The following NEK6 variants were observed in gnomAD, a reference collection of about 807,000 sequenced individuals.
The protein encoded by NEK6 is serine/threonine-protein kinase Nek6.
A neutral mutation model predicts 43.5 loss-of-function variants in NEK6; 27 were observed. The ratio of observed to expected loss-of-function variants is 0.62; its 90% confidence interval spans 0.46 to 0.86. NEK6 has a LOEUF of 0.86. NEK6 is among the 40% of genes least tolerant of loss of function. The pLI is 0.00. For synonymous variants in NEK6, 167 were observed against 164.1 expected (o/e 1.02, Z -0.14); for missense variants, 318 against 414.4 (o/e 0.77, Z 2.02).
chr9:124,333,369 C>G (rs1206054069), intron 7 of NEK6, among the ~76,000 whole-genome samples: 1 of 152,110 alleles, frequency 6.6e-6, no homozygotes, highest in South Asian at 2.1e-4. Context: ...ACCCTGCCCC[C>G]CAGTGAGACA....
At chr9:124,297,769 G>C (rs1157161974) in intron 1 of NEK6, among the ~76,000 whole-genome samples, 1 of 152,202 alleles carries the variant, frequency 6.6e-6, no homozygotes, top group Non-Finnish European at 1.5e-5. Flanking sequence ...TCCCGGGGAC[G>C]GGCAGTCCTC....
intron 1 of NEK6, chr9:124,293,049 C>A (rs746847077): frequency 3.4e-6 from 5 of 1,460,104 alleles, no homozygotes; most frequent in Non-Finnish European, 4.6e-6. Flanking sequence ...AGGCAGGGGT[C>A]TCTGGGATGG....
chr9:124,301,197 A>G (rs1207020086), intron 1 of NEK6, among the ~76,000 whole-genome samples: 1 of 152,168 alleles, frequency 6.6e-6, no homozygotes, highest in Non-Finnish European at 1.5e-5. Flanking sequence ...GGGAGGCCAG[A>G]GGCTAAAATA....
chr9:124,265,763 T>G (rs573568811), intron 1 of NEK6: 1 of 152,284 alleles, frequency 6.6e-6, no homozygotes, highest in African/African-American at 2.4e-5. Context: ...CATTGTCCTA[T>G]GGGCTAAGTG....
intron 1 of NEK6, among the ~76,000 whole-genome samples, chr9:124,295,288 G>C (rs10986306): frequency 3.0e-4 from 46 of 152,356 alleles, no homozygotes; most frequent in Non-Finnish European, 5.7e-4. Context: ...CACAGGACCC[G>C]GCCGGAAACC....
At chr9:124,268,374 G>A (rs940571353) in intron 1 of NEK6, among the ~76,000 whole-genome samples, 8 of 152,158 alleles carry the variant, frequency 5.3e-5, no homozygotes, top group Admixed American at 2.6e-4. Flanking sequence ...TGGGTACTGG[G>A]GGTGGAATGA....
At chr9:124,313,161 C>T (rs973903607) in intron 3 of NEK6, among the ~76,000 whole-genome samples, 2 of 152,156 alleles carry the variant, frequency 1.3e-5, no homozygotes, top group Non-Finnish European at 2.9e-5. Flanking sequence ...CACAGCTTTG[C>T]CGGAGGAAAT....
chr9:124,319,329 G>A (rs1039774438), intron 4 of NEK6, among the ~76,000 whole-genome samples: 1 of 151,692 alleles, frequency 6.6e-6, no homozygotes, highest in Non-Finnish European at 1.5e-5. Flanking sequence ...ATTGATTTAA[G>A]TTCCTTATAG....
chr9:124,321,617 G>A (rs1246435528), intron 5 of NEK6, 48 bp downstream of exon 5: 4 of 1,198,108 alleles, frequency 3.3e-6, no homozygotes, highest in Non-Finnish European at 5.0e-6. Context: ...CAGATCTGGA[G>A]CCAAAGGTGG....
intron 1 of NEK6, among the ~76,000 whole-genome samples, chr9:124,274,923 A>C (rs1304984027): frequency 6.6e-6 from 1 of 152,210 alleles, no homozygotes; most frequent in East Asian, 1.9e-4. Flanking sequence ...GGAGACTGGC[A>C]TTGATTAGCA....
intron 1 of NEK6, among the ~76,000 whole-genome samples, chr9:124,289,418 A>G (rs953436580): frequency 3.9e-5 from 6 of 152,052 alleles, no homozygotes; most frequent in African/African-American, 1.5e-4. Flanking sequence ...TTTTGTGAGC[A>G]CACAGGCTGG....
chr9:124,342,053 A>G (rs1460733141), intron 8 of NEK6, among the ~76,000 whole-genome samples: 1 of 152,110 alleles, frequency 6.6e-6, no homozygotes, highest in Non-Finnish European at 1.5e-5. Context: ...GGACTCCTCT[A>G]AATCCAGGCA....
intron 1 of NEK6, chr9:124,300,171 TG>T (rs1435139056): frequency 6.6e-6 from 1 of 152,184 alleles, no homozygotes; most frequent in Non-Finnish European, 1.5e-5. Context: ...AGTTAGGGTT[TG>T]GTGGACATCC....
chr9:124,347,620 G>A, intron 8 of NEK6, 89 bp from the exon 9 acceptor site: 1 of 783,354 alleles, frequency 1.3e-6, no homozygotes, highest in Non-Finnish European at 2.1e-6. Context: ...GAGAACCCAT[G>A]CCCCAACAAT....
chr9:124,331,711 A>G (rs4838163), intron 7 of NEK6, among the ~76,000 whole-genome samples: 152,232 of 152,340 alleles, frequency 1, 76,062 homozygotes, highest in Middle Eastern at 1. Flanking sequence ...GGATCACACC[A>G]TGCTGTGCTG....
At chr9:124,313,891 C>A in intron 3 of NEK6, 32 bp from the exon 4 acceptor site, 1 of 1,612,456 alleles carries the variant, frequency 6.2e-7, no homozygotes, top group South Asian at 1.1e-5. Flanking sequence ...CAGATTGTAA[C>A]CACTCTATTT....
At chr9:124,282,923 G>A (rs536113493) in intron 1 of NEK6, among the ~76,000 whole-genome samples, 12 of 152,268 alleles carry the variant, frequency 7.9e-5, no homozygotes, top group Admixed American at 5.2e-4. Flanking sequence ...GACAGGGCCC[G>A]CCATTCCCGG....
chr9:124,271,192 G>T (rs1172876732), intron 1 of NEK6, among the ~76,000 whole-genome samples: 1 of 152,270 alleles, frequency 6.6e-6, no homozygotes, highest in Non-Finnish European at 1.5e-5. Context: ...CATTGCCAGA[G>T]ATTGTTGCAG....
At chr9:124,263,318 G>A (rs1359480486) in intron 1 of NEK6, among the ~76,000 whole-genome samples, 3 of 152,130 alleles carry the variant, frequency 2.0e-5, no homozygotes, top group Non-Finnish European at 4.4e-5. Context: ...CAGAACCTGA[G>A]GCTCAGAGGG....
Sources: allele counts gnomAD v4.1 joint callset (sites outside exome capture counted in the v4.1 genomes callset), GRCh38; gene constraint gnomAD v4.1.1; transcripts MANE v1.5; gene names NCBI Gene and HGNC (gene_info 2026-07-23, HGNC 2026-07-21).